The following PGBD1 variants were observed in gnomAD, a reference collection of about 807,000 sequenced individuals.
PGBD1 encodes piggyBac transposable element-derived protein 1.
Under a neutral mutation model 34.7 loss-of-function variants are expected in PGBD1, and 25 were observed. That is an observed-to-expected ratio of 0.72 (90% CI 0.52 to 1.00). The LOEUF is 1.00. Ranked by LOEUF, PGBD1 falls within the 50% of genes least tolerant of loss-of-function variation. The pLI, the probability that PGBD1 is intolerant of heterozygous loss-of-function variation, is 0.00. For synonymous variants in PGBD1, 292 were observed against 335.7 expected, an observed-to-expected ratio of 0.87 and a Z score of 1.42; for missense variants, 830 against 959.4, an observed-to-expected ratio of 0.87 and a Z score of 1.78.
chr6:28,296,263 G>A lies in PGBD1; in HGVS notation c.643-553G>A, dbSNP rs72854512. Among the ~76,000 whole-genome samples, 748 of 152,282 alleles carry A rather than the reference G, an allele frequency of 4.9e-3. 4 individuals are homozygous for A. Among genetic ancestry groups the A allele is most frequent in the Non-Finnish European group, 8.7e-3 (592 of 68,022 alleles). On this transcript the variant is annotated intron_variant, in intron 4 of 6. Transcript: ENST00000682144. ...CTGTTAAAAGGAGTCTCAAAACTCT[G>A]TTAGGTATTTGTAGTCAGTTTAATT...
Position 28,300,933 on chromosome 6 carries a change from C to T in PGBD1, c.1079C>T (p.Ser360Phe), listed in dbSNP as rs150861226. 4.3e-6 allele frequency: 7 copies of T among 1,613,992 alleles called. No individual in the cohort carries two copies. The African/African-American group carries it at 9.3e-5, about 22-fold the overall frequency. Residue 360 changes from serine (S) to phenylalanine (F), a missense_variant, in exon 7 of 7, where the codon TCT becomes TTT. Transcript: ENST00000682144. This position sits in a 1 kb window ranked among gnomAD's most constrained non-coding sequence, Gnocchi z 4.0. ...GAACTGCTCCAAGGCCTCTCATTCT[C>T]TGGTGACTCAGATGTGGAAAAAGAT... ...VSELLQGLSF[S>F]GDSDVEKDNE... is the part of the protein sequence containing the mutation.
Position 28,301,586 on chromosome 6 carries a change from G to A in PGBD1, c.1732G>A (p.Gly578Ser). 2 of 1,614,128 alleles carry A rather than the reference G, an allele frequency of 1.2e-6. No homozygotes were observed. Among genetic ancestry groups the A allele is most frequent in the South Asian group, 2.2e-5 (2 of 91,078 alleles). ...YKIWCGTTTQ[G>S]YLVWFEPYQE... ...AATTTGGTGTGGTACAACCACACAG[G>A]GTTATCTGGTTTGGTTTGAACCCTA... is the stretch of plus-strand genomic sequence containing the variant. Residue 578 changes from glycine (G) to serine (S), a missense_variant, in exon 7 of 7, where the codon GGT (glycine) becomes AGT (serine). Coordinates refer to ENST00000682144, the MANE Select transcript of PGBD1 (RefSeq NM_032507.4).
At chr6:28,287,418 A>G (rs1460382595) in intron 4 of PGBD1, among the ~76,000 whole-genome samples, 1 of 152,122 alleles carries the variant, frequency 6.6e-6, no homozygotes, top group African/African-American at 2.4e-5. Flanking sequence ...CATGGGAGTG[A>G]GGGGTGGAGT....
At position 28,300,909 on chromosome 6, in the gene PGBD1, A is replaced by T; in HGVS notation, c.1055A>T (p.Glu352Val). 6.2e-7 allele frequency: 1 copy of T among 1,614,142 alleles called. No homozygotes were observed. The highest frequency in any genetic ancestry group is 1.1e-5 in the South Asian group (1 of 91,080). ...AAAAAAGACAAAGCTCGAGTGAGTG[A>T]ACTGCTCCAAGGCCTCTCATTCTCT... ...GRKKDKARVS[E>V]LLQGLSFSGD... is the part of the protein sequence containing the mutation. Residue 352 changes from glutamate (E) to valine (V), a missense_variant, in exon 7 of 7, where the codon GAA (glutamate) becomes GTA (valine). This residue lies in a region of PGBD1 where 457 missense variants were observed against 515.4 expected (regional missense o/e 0.89). Transcript: ENST00000682144. The surrounding 1 kb of genome is among the most constrained non-coding windows in gnomAD (Gnocchi z 4.0).
intron 4 of PGBD1, among the ~76,000 whole-genome samples, chr6:28,294,167 C>T (rs1196636479): frequency 6.6e-6 from 1 of 152,216 alleles, no homozygotes; most frequent in Non-Finnish European, 1.5e-5. Context: ...TCACACCAGC[C>T]ACAGCATTGC....
At chr6:28,297,065 T>A (rs1413993104) in intron 5 of PGBD1, 120 bp downstream of exon 5, 2 of 1,144,156 alleles carry the variant, frequency 1.7e-6, no homozygotes, top group Non-Finnish European at 2.4e-6. Flanking sequence ...TCCCTTCTTC[T>A]GGCCTCTGCC....
intron 6 of PGBD1, among the ~76,000 whole-genome samples, chr6:28,299,123 C>A (rs1762743262): frequency 6.6e-6 from 1 of 152,154 alleles, no homozygotes; most frequent in Non-Finnish European, 1.5e-5. Flanking sequence ...TGTTCAGTAA[C>A]TTAGAGCAGA....
At chr6:28,298,114 T>C in intron 6 of PGBD1, 123 bp downstream of exon 6, 1 of 730,676 alleles carries the variant, frequency 1.4e-6, no homozygotes, top group South Asian at 1.6e-5. Context: ...TGCCACTCAC[T>C]TCTGTGATCA....
At position 28,284,083 on chromosome 6, in the gene PGBD1, G is replaced by T; in HGVS notation, c.270G>T (p.Glu90Asp). ...KEQIMELLVL[E>D]QFLTILPKEL... ...AGATAATGGAACTGCTGGTGCTGGA[G>T]CAGTTCCTGACCATCCTGCCCAAGG... Residue 90 changes from glutamate to aspartate, a missense_variant, in exon 2 of 7, where the codon GAG (glutamate) becomes GAT (aspartate). Physicochemically the swap from Glu to Asp is conservative, Grantham distance 45. Transcript: ENST00000682144. 6.2e-7 allele frequency: 1 copy of T among 1,614,204 alleles called. No individual in the cohort carries two copies. The highest frequency in any genetic ancestry group is 1.1e-5 in the South Asian group (1 of 91,082).
chr6:28,293,148 G>A (rs188657567), intron 4 of PGBD1, among the ~76,000 whole-genome samples: 5 of 151,964 alleles, frequency 3.3e-5, no homozygotes, highest in South Asian at 4.1e-4. Flanking sequence ...TCACCATGTT[G>A]GCCAGGATGG....
chr6:28,290,855 G>T (rs1482787200), intron 4 of PGBD1, among the ~76,000 whole-genome samples: 2 of 152,110 alleles, frequency 1.3e-5, no homozygotes, highest in African/African-American at 4.8e-5. Flanking sequence ...CAACTAATTT[G>T]TCAGGGAAGA....
chr6:28,302,474 G>A lies in PGBD1; in HGVS notation c.*190G>A, dbSNP rs1062169. On this transcript the variant is annotated 3_prime_UTR_variant, in exon 7 of 7. Coordinates refer to ENST00000682144, the MANE Select transcript of PGBD1 (RefSeq NM_032507.4). ...AAGTAATGTTAAAAATTGTCTGTGA[G>A]AATGTTGAACTGTAGTACCTTTCTC... 0.16 allele frequency: 98,267 copies of A among 630,056 alleles called. 10,487 individuals carry two copies. The highest frequency in any genetic ancestry group is 0.39 in the African/African-American group (21,218 of 53,948). 39.0% of individuals were successfully genotyped at this position (630,056 alleles called of 1,614,324 possible).
At chr6:28,292,149 G>A (rs1263554611) in intron 4 of PGBD1, among the ~76,000 whole-genome samples, 10 of 152,044 alleles carry the variant, frequency 6.6e-5, no homozygotes, top group Non-Finnish European at 1.5e-4. Flanking sequence ...TAGTCTGTTC[G>A]CAGATGATAT....
intron 4 of PGBD1, among the ~76,000 whole-genome samples, chr6:28,287,948 A>G (rs138542032): frequency 2.0e-5 from 3 of 152,360 alleles, no homozygotes; most frequent in African/African-American, 7.2e-5. Context: ...CAAAAAAGTT[A>G]TTTATTTTAA....
chr6:28,302,194 C>T lies in PGBD1; in HGVS notation c.2340C>T (p.Ala780=). The T allele has an allele frequency of 6.2e-7, 1 of 1,614,136 alleles. No individual in the cohort carries two copies. Among genetic ancestry groups the T allele is most frequent in the Non-Finnish European group, 8.5e-7 (1 of 1,180,036 alleles). Residue 780 remains alanine (A), a synonymous_variant, in exon 7 of 7, where the codon GCC becomes GCT. Transcript: ENST00000682144. ...AMNNAWQLHR[A]CNPGASLDPL... ...ACAATGCATGGCAACTACACAGAGCCTGTAACCCAGGTGCTTCTCTAGACC... is the reference window on the plus strand; with the variant it reads ...ACAATGCATGGCAACTACACAGAGCTTGTAACCCAGGTGCTTCTCTAGACC...
intron 3 of PGBD1, 122 bp downstream of exon 3, chr6:28,285,829 C>A: frequency 9.9e-7 from 1 of 1,014,840 alleles, no homozygotes. Flanking sequence ...TTACATATCT[C>A]ACAGTTACCT....
Position 28,300,660 on chromosome 6 carries a change from A to T in PGBD1, c.870-64A>T. On this transcript the variant is annotated intron_variant, in intron 6 of 6. Transcript: ENST00000682144. This position sits in a 1 kb window ranked among gnomAD's most constrained non-coding sequence, Gnocchi z 4.0. ...CCCCAAAAGATTTAAGCTTCAGCAG[A>T]TTTATCATGTGTGAGAGAATATGAT... The T allele has an allele frequency of 2.6e-6, 4 of 1,509,954 alleles. No homozygotes were observed. Among genetic ancestry groups the T allele is most frequent in the Non-Finnish European group, 3.6e-6 (4 of 1,122,544 alleles). The allele number at this position is 1,509,954 out of a possible 1,614,324, so 93.5% of individuals were successfully genotyped here.
intron 4 of PGBD1, 125 bp from the exon 5 acceptor site, chr6:28,296,691 C>G: frequency 1.8e-6 from 2 of 1,107,168 alleles, no homozygotes; most frequent in Admixed American, 4.5e-5. Context: ...AAGGTTCCCA[C>G]AAGTTTACAA....
Position 28,300,701 on chromosome 6 carries a change from CAT to C in PGBD1, c.870-22_870-21del. 1.3e-6 allele frequency: 2 copies of C among 1,563,154 alleles called. No individual in the cohort carries two copies. Among genetic ancestry groups the C allele is most frequent in the Non-Finnish European group, 1.7e-6 (2 of 1,156,626 alleles). Reference sequence around the variant, plus strand: ...AGAATATGATTGAGGATTTTTATAACATGTTCTTTTTTTCTTTCCCAGAGAGT... The same window carrying C: ...AGAATATGATTGAGGATTTTTATAACGTTCTTTTTTTCTTTCCCAGAGAGT... On this transcript the variant is annotated intron_variant, in intron 6 of 6. Coordinates refer to ENST00000682144, the MANE Select transcript of PGBD1 (RefSeq NM_032507.4). The surrounding 1 kb of genome is among the most constrained non-coding windows in gnomAD (Gnocchi z 4.0).
Sources: gnomAD v4.1 joint callset for allele counts (sites outside exome capture counted in the v4.1 genomes callset) on GRCh38, gnomAD v4.1.1 for gene constraint, gnomAD v4.1.1 regional missense constraint, Gnocchi (gnomAD v3.1) non-coding constraint, MANE v1.5 for transcripts, NCBI Gene and HGNC (gene_info 2026-07-23, HGNC 2026-07-21) for gene names.